The following SETX variants were observed in gnomAD, a reference collection of about 807,000 sequenced individuals.
The protein encoded by SETX is helicase senataxin.
A neutral mutation model predicts 227.2 loss-of-function variants in SETX; 90 were observed. That is an observed-to-expected ratio of 0.40 (90% CI 0.33 to 0.47). The LOEUF (loss-of-function observed/expected upper bound fraction) is 0.47. Ranked by LOEUF, SETX falls within the 20% of genes least tolerant of loss-of-function variation. The probability of loss-of-function intolerance (pLI) is 0.91; values close to 1 mark genes in which losing one functional copy is unlikely to be tolerated. For missense variants in SETX, 3,052 were observed against 3,181.5 expected (o/e 0.96, Z 0.98); for synonymous variants, 1,210 against 1,113.2 (o/e 1.09, Z -1.73).
intron 22 of SETX, among the ~76,000 whole-genome samples, chr9:132,276,486 A>AT (rs1343676114): frequency 6.6e-6 from 1 of 152,192 alleles, no homozygotes; most frequent in Non-Finnish European, 1.5e-5. Context: ...CTCCTACTTC[A>AT]TGACAGAGTG....
At position 132,334,748 on chromosome 9, in the gene SETX, A is replaced by C. The variant is rs756881196; in HGVS notation, c.719-21T>G. On this transcript the variant is annotated intron_variant, in intron 6 of 25. Transcript: ENST00000224140. ...AATACCTGTAAGATCATTTAGAGTT[A>C]TCTTGAATTGATGAAATAATACTAT... The C allele has an allele frequency of 2.5e-6, 4 of 1,613,374 alleles. No homozygotes were observed. In the South Asian group the frequency reaches 4.4e-5, roughly 18 times the overall value.
chr9:132,336,239 T>A (rs1364207638), intron 6 of SETX, 57 bp downstream of exon 6: 2 of 1,455,456 alleles, frequency 1.4e-6, no homozygotes, highest in Admixed American at 3.4e-5. Context: ...TGAGACTGTC[T>A]CAAAAAACAG....
chr9:132,324,949 T>G (rs1846613844), intron 10 of SETX, among the ~76,000 whole-genome samples: 1 of 152,194 alleles, frequency 6.6e-6, no homozygotes, highest in Non-Finnish European at 1.5e-5. Context: ...TTTCTCAAAT[T>G]TTAACGGGAA....
At chr9:132,314,789 A>C (rs1845867096) in intron 10 of SETX, among the ~76,000 whole-genome samples, 1 of 151,960 alleles carries the variant, frequency 6.6e-6, no homozygotes. Flanking sequence ...TTTGATAAAA[A>C]TACTTCCACA....
intron 10 of SETX, among the ~76,000 whole-genome samples, chr9:132,315,445 T>G (rs1278054269): frequency 6.6e-6 from 1 of 152,186 alleles, no homozygotes; most frequent in Non-Finnish European, 1.5e-5. Context: ...TTTGAGGACT[T>G]AAACTCCTAG....
chr9:132,331,013 G>T, intron 9 of SETX, 39 bp downstream of exon 9: 1 of 1,414,226 alleles, frequency 7.1e-7, no homozygotes, highest in Non-Finnish European at 1.0e-6. Context: ...CAATATAAAG[G>T]CAATAAAATA....
At chr9:132,305,173 T>C (rs1589688298) in intron 11 of SETX, among the ~76,000 whole-genome samples, 1 of 150,056 alleles carries the variant, frequency 6.7e-6, no homozygotes, top group South Asian at 2.1e-4. Context: ...GCTAACATGG[T>C]GAAACCCCGC....
chr9:132,343,784 T>C (rs1351371589), intron 4 of SETX, among the ~76,000 whole-genome samples: 1 of 152,214 alleles, frequency 6.6e-6, no homozygotes, highest in Non-Finnish European at 1.5e-5. Context: ...CAGGCTTATA[T>C]ACTTTTACGG....
At chr9:132,273,475 C>T (rs1440410358) in intron 23 of SETX, among the ~76,000 whole-genome samples, 2 of 152,152 alleles carry the variant, frequency 1.3e-5, no homozygotes, top group African/African-American at 4.8e-5. Context: ...TTTAGGTGTT[C>T]TTTAATTCCT....
chr9:132,287,578 T>C (rs1843987787), intron 17 of SETX, among the ~76,000 whole-genome samples: 1 of 152,214 alleles, frequency 6.6e-6, no homozygotes, highest in Admixed American at 6.5e-5. Context: ...TTATGTATTA[T>C]CTATGGCTGC....
rs1206580196 is a variant in SETX, at chr9:132,327,224, G to C, written c.4374C>G (p.Val1458=). Residue 1458 remains valine, a synonymous_variant, in exon 10 of 26, where the codon GTC becomes GTG. Transcript: ENST00000224140. ...NGTVPTNEVI[V]STSEDPLGGG... ...CACCCAGAGGGTCTTCTGAAGTGGA[G>C]ACAATTACTTCATTTGTTGGTACTG... 1.2e-6 allele frequency: 2 copies of C among 1,614,080 alleles called. No individual in the cohort carries two copies. The highest frequency in any genetic ancestry group is 1.7e-6 in the Non-Finnish European group (2 of 1,180,048).
chr9:132,292,431 A>G (rs1237862556), intron 15 of SETX, among the ~76,000 whole-genome samples: 10 of 149,954 alleles, frequency 6.7e-5, no homozygotes, highest in Admixed American at 3.3e-4. Flanking sequence ...AAAAAAAAAA[A>G]AAAAAAGAAA....
Position 132,264,101 on chromosome 9 carries a change from T to A in SETX, c.*138A>T, listed in dbSNP as rs1293712035. 8.4e-7 allele frequency: 1 copy of A among 1,189,358 alleles called. No homozygotes were observed. Among genetic ancestry groups the A allele is most frequent in the African/African-American group, 1.5e-5 (1 of 66,756 alleles). The allele number at this position is 1,189,358 out of a possible 1,614,324, so 73.7% of individuals were successfully genotyped here. On this transcript the variant is annotated 3_prime_UTR_variant, in exon 26 of 26. Coordinates refer to ENST00000224140, the MANE Select transcript of SETX (RefSeq NM_015046.7). ...TACTGAAGATGACCAGAGGCTCAGG[T>A]GTTAAGGATGCATTTTCCATGTTTT...
intron 20 of SETX, among the ~76,000 whole-genome samples, chr9:132,280,315 C>T (rs1224216805): frequency 6.6e-6 from 1 of 151,946 alleles, no homozygotes; most frequent in East Asian, 1.9e-4. Flanking sequence ...TTGTTTTTAT[C>T]AATCATTGAA....
At chr9:132,273,509 A>G (rs963366966) in intron 23 of SETX, among the ~76,000 whole-genome samples, 43 of 152,236 alleles carry the variant, frequency 2.8e-4, no homozygotes, top group African/African-American at 1.0e-3. Flanking sequence ...TGCAGTTTTC[A>G]GCGTACAAGT....
In SETX at chr9:132,281,543, G is replaced by C. The variant is rs781013515; in HGVS notation, c.6578C>G (p.Thr2193Ser). 2.5e-6 allele frequency: 4 copies of C among 1,613,810 alleles called. No homozygotes were observed. The East Asian group carries it at 6.7e-5, about 27-fold the overall frequency. ...AGQSCEIETL[T>S]PLIHRCNKLI... ...CTTATTGCAGCGATGGATGAGTGGA[G>C]TAAGAGTCTCAATTTCACAAGACTG... is the stretch of plus-strand genomic sequence containing the variant. Residue 2193 changes from threonine (T) to serine (S), a missense_variant, in exon 20 of 26, where the codon ACT becomes AGT. Coordinates refer to ENST00000224140, the MANE Select transcript of SETX (RefSeq NM_015046.7).
At chr9:132,319,162 T>C (rs111445759) in intron 10 of SETX, among the ~76,000 whole-genome samples, 1 of 152,184 alleles carries the variant, frequency 6.6e-6, no homozygotes, top group Non-Finnish European at 1.5e-5. Context: ...CCAAGTCTTC[T>C]AAGTACTCTC....
At chr9:132,282,346 G>A (rs957865976) in intron 19 of SETX, among the ~76,000 whole-genome samples, 1 of 148,278 alleles carries the variant, frequency 6.7e-6, no homozygotes, top group African/African-American at 2.5e-5. Flanking sequence ...CACCCAGGCT[G>A]GAGGGCAATG....
intron 5 of SETX, among the ~76,000 whole-genome samples, chr9:132,338,630 G>A (rs1847782812): frequency 6.6e-6 from 1 of 152,088 alleles, no homozygotes; most frequent in Admixed American, 6.5e-5. Flanking sequence ...TTATTTCCCT[G>A]ATCATTAAAT....
Sources: gnomAD v4.1 joint callset for allele counts (sites outside exome capture counted in the v4.1 genomes callset) on GRCh38, gnomAD v4.1.1 for gene constraint, MANE v1.5 for transcripts, NCBI Gene and HGNC (gene_info 2026-07-23, HGNC 2026-07-21) for gene names.